Variants in KCTD21 observed in about 807,000 individuals in gnomAD.
The protein encoded by KCTD21 is potassium channel tetramerization domain containing 21.
A neutral mutation model predicts 13.2 loss-of-function variants in KCTD21; 9 were observed. The observed-to-expected ratio is 0.68, with a 90% confidence interval of 0.41 to 1.19. The LOEUF is 1.19. KCTD21 is among the 50% of genes most tolerant of loss of function. KCTD21 has a pLI of 0.01. For synonymous variants in KCTD21, 142 were observed against 137.4 expected, an observed-to-expected ratio of 1.03 and a Z score of -0.23; for missense variants, 303 against 336.5, an observed-to-expected ratio of 0.90 and a Z score of 0.78.
At chr11:78,186,402 A>AAAAAAAAAAAAAAAAC (rs71046958) in intron 1 of KCTD21, among the ~76,000 whole-genome samples, 2 of 132,012 alleles carry the variant, frequency 1.5e-5, no homozygotes, top group Non-Finnish European at 3.4e-5. Flanking sequence ...AAAAAAAAAA[A>AAAAAAAAAAAAAAAAC]AAAAAGAAAA....
intron 1 of KCTD21, chr11:78,187,227 CTT>C (rs1000338851): frequency 1.3e-5 from 13 of 985,288 alleles, no homozygotes; most frequent in Admixed American, 6.1e-5. Context: ...AGAAAGGACT[CTT>C]TGCCTTGAAG....
At chr11:78,185,887 C>T (rs1862750145) in intron 1 of KCTD21, among the ~76,000 whole-genome samples, 2 of 152,094 alleles carry the variant, frequency 1.3e-5, no homozygotes, top group South Asian at 2.1e-4. Flanking sequence ...CCACCGCGCC[C>T]GGCCAGGTCT....
Position 78,173,742 on chromosome 11 carries a change from C to T in KCTD21, c.*30G>A, listed in dbSNP as rs1431610228. ...CCTGGCTGACATGAGCTTCCTGGGACTCCCCATCTCCAGTGTTGTTGGGGT... is the reference window on the plus strand; with the variant it reads ...CCTGGCTGACATGAGCTTCCTGGGATTCCCCATCTCCAGTGTTGTTGGGGT... On this transcript the variant is annotated 3_prime_UTR_variant, in exon 2 of 2. Coordinates refer to ENST00000340067, the MANE Select transcript of KCTD21 (RefSeq NM_001029859.3). 6.4e-7 allele frequency: 1 copy of T among 1,568,976 alleles called. No individual in the cohort carries two copies. Among genetic ancestry groups the T allele is most frequent in the Non-Finnish European group, 8.7e-7 (1 of 1,152,188 alleles).
chr11:78,178,276 C>G (rs1188891134), intron 1 of KCTD21, among the ~76,000 whole-genome samples: 1 of 152,126 alleles, frequency 6.6e-6, no homozygotes, highest in African/African-American at 2.4e-5. Flanking sequence ...CAGGTGCACG[C>G]CACCAGGCCC....
At chr11:78,174,694 T>A (rs901728435) in intron 1 of KCTD21, 111 bp from the exon 2 acceptor site, 2 of 705,470 alleles carry the variant, frequency 2.8e-6, no homozygotes, top group Middle Eastern at 4.0e-4. Context: ...CGAAATGAAT[T>A]AATACCTGAT....
chr11:78,179,035 GCTGATAAGA>G (rs752948246), intron 1 of KCTD21, among the ~76,000 whole-genome samples: 3 of 152,076 alleles, frequency 2.0e-5, no homozygotes, highest in Non-Finnish European at 1.5e-5. Context: ...ATAAGGAGTA[GCTGATAAGA>G]ACCTCAAATG....
In KCTD21 at chr11:78,174,542, T is replaced by C; in HGVS notation, c.13A>G (p.Ile5Val). 1.2e-5 allele frequency: 19 copies of C among 1,612,082 alleles called. No individual in the cohort carries two copies. Among genetic ancestry groups the C allele is most frequent in the Non-Finnish European group, 1.5e-5 (18 of 1,178,910 alleles). The change falls in exon 2 of 2, where the codon ATC becomes GTC. Residue 5 changes from isoleucine to valine, a missense_variant. Physicochemically the swap from Ile to Val is conservative, Grantham distance 29 (BLOSUM62 3). Coordinates refer to ENST00000340067, the MANE Select transcript of KCTD21 (RefSeq NM_001029859.3). ...AGCTTCCCCCCGACGTTCAGCGTGA[T>C]GGGGTCGGACATGGCAGGAGACTGG... MSDP[I>V]TLNVGGKLYT...
intron 1 of KCTD21, among the ~76,000 whole-genome samples, chr11:78,181,994 T>C (rs1312539690): frequency 1.3e-5 from 2 of 152,202 alleles, no homozygotes; most frequent in Admixed American, 6.5e-5. Flanking sequence ...ACAATTTTTT[T>C]TGGAAACCAC....
chr11:78,188,135 C>T, intron 1 of KCTD21: 1 of 985,418 alleles, frequency 1.0e-6, no homozygotes, highest in Non-Finnish European at 1.2e-6. Context: ...TCCCTGTCAT[C>T]TGTGTCTCCG....
Position 78,173,826 on chromosome 11 carries a change from T to A in KCTD21, c.729A>T (p.Pro243=), listed in dbSNP as rs745828501. 3.7e-6 allele frequency: 6 copies of A among 1,614,006 alleles called. No individual in the cohort carries two copies. In the Admixed American group the frequency reaches 1.0e-4, roughly 27 times the overall value. ...SDGFCIDSSH[P]HALDFMNNKI... is the part of the protein sequence containing the mutation. The stretch of plus-strand genomic sequence containing the variant: ...TATTGTTCATAAAATCCAGAGCATG[T>A]GGGTGAGAAGAATCGATGCAGAAGC... Residue 243 remains proline, a synonymous_variant, in exon 2 of 2, where the codon CCA becomes CCT. Coordinates refer to ENST00000340067, the MANE Select transcript of KCTD21 (RefSeq NM_001029859.3).
At chr11:78,176,688 T>G (rs1862456974) in intron 1 of KCTD21, among the ~76,000 whole-genome samples, 1 of 152,156 alleles carries the variant, frequency 6.6e-6, no homozygotes, top group Non-Finnish European at 1.5e-5. Context: ...GGAATGAACC[T>G]TGGCACATCA....
intron 1 of KCTD21, chr11:78,186,901 G>C (rs1290786702): frequency 4.1e-6 from 4 of 985,340 alleles, no homozygotes; most frequent in Admixed American, 6.1e-5. Context: ...GGGGCTGGGG[G>C]TGCCCCTTTC....
chr11:78,184,533 C>A (rs1419043212), intron 1 of KCTD21, among the ~76,000 whole-genome samples: 1 of 152,140 alleles, frequency 6.6e-6, no homozygotes, highest in African/African-American at 2.4e-5. Flanking sequence ...GATGGGGTAT[C>A]ACCATGTTGG....
intron 1 of KCTD21, 80 bp downstream of exon 1, chr11:78,188,493 G>A: frequency 2.0e-6 from 2 of 985,184 alleles, no homozygotes; most frequent in Non-Finnish European, 2.4e-6. Context: ...TTAGTCTCAT[G>A]GTAAGACAGG....
chr11:78,187,516 C>A, intron 1 of KCTD21: 6 of 985,368 alleles, frequency 6.1e-6, no homozygotes, highest in Non-Finnish European at 7.2e-6. Context: ...GCGTAGACCT[C>A]CAACAACCAC....
chr11:78,176,143 C>T (rs1862445761), intron 1 of KCTD21: 1 of 152,138 alleles, frequency 6.6e-6, no homozygotes, highest in African/African-American at 2.4e-5. Context: ...CATTGTTGGA[C>T]ATTTGGGTTG....
Position 78,173,359 on chromosome 11 carries a change from C to T in KCTD21, c.*413G>A, listed in dbSNP as rs1324517918. 1.2e-5 allele frequency: 2 copies of T among 166,010 alleles called. No individual in the cohort carries two copies. The highest frequency in any genetic ancestry group is 2.6e-5 in the Non-Finnish European group (2 of 75,516). The allele number at this position is 166,010 out of a possible 1,614,324, so 10.3% of individuals were successfully genotyped here. Reference sequence around the variant, plus strand: ...GCTGGGGACTTTATGTCCTGGTTAACTGGAGGTAGCCTCTTGTTCTCATCC... The same window carrying T: ...GCTGGGGACTTTATGTCCTGGTTAATTGGAGGTAGCCTCTTGTTCTCATCC... On this transcript the variant is annotated 3_prime_UTR_variant, in exon 2 of 2. Coordinates refer to ENST00000340067, the MANE Select transcript of KCTD21 (RefSeq NM_001029859.3).
At chr11:78,185,881 C>T (rs546665194) in intron 1 of KCTD21, among the ~76,000 whole-genome samples, 2 of 152,152 alleles carry the variant, frequency 1.3e-5, no homozygotes, top group East Asian at 2.0e-4. Flanking sequence ...CGTGAGCCAC[C>T]GCGCCCGGCC....
In KCTD21 at chr11:78,174,237, G is replaced by T. The variant is rs143201258; in HGVS notation, c.318C>A (p.Ala106=). ...LQEKEVELSK[A]EKNAMLNITL... ...TGATGTTGAGCATGGCATTCTTCTC[G>T]GCCTTGGAGAGCTCCACTTCCTTCT... Residue 106 remains alanine (A), a synonymous_variant, in exon 2 of 2, where the codon GCC becomes GCA. Transcript: ENST00000340067. 5 of 1,613,878 alleles carry T rather than the reference G, an allele frequency of 3.1e-6. No homozygotes were observed. The highest frequency in any genetic ancestry group is 4.2e-6 in the Non-Finnish European group (5 of 1,180,040).
Sources: gnomAD v4.1 joint callset for allele counts (sites outside exome capture counted in the v4.1 genomes callset) on GRCh38, gnomAD v4.1.1 for gene constraint, MANE v1.5 for transcripts, NCBI Gene and HGNC (gene_info 2026-07-23, HGNC 2026-07-21) for gene names.